ZNF469: variants seen among roughly 807,000 people sequenced by gnomAD.
ZNF469 encodes the protein zinc finger protein 469.
ZNF469 carries 1 observed loss-of-function variant against 1.0 expected under a neutral mutation model. The observed-to-expected ratio is 1.00, with a 90% CI of 0.35 to 4.73. The LOEUF (loss-of-function observed/expected upper bound fraction) is 4.73, where lower values mean the gene tolerates loss of function less well. Ranked by LOEUF, ZNF469 falls within the 30% of genes most tolerant of loss-of-function variation. ZNF469 has a pLI of 0.16. For missense variants in ZNF469, 6,100 were observed against 5,356.3 expected, an observed-to-expected ratio of 1.14 and a Z score of -4.33; for synonymous variants, 2,703 against 2,363.4, an observed-to-expected ratio of 1.14 and a Z score of -4.17.
upstream of ZNF469, among the ~76,000 whole-genome samples, chr16:88,380,542 AAC>A (rs540697952): frequency 8.3e-4 from 88 of 105,912 alleles, no homozygotes; most frequent in Admixed American, 3.9e-3. Context: ...CACACGCACT[AAC>A]ACAGACATGC....
intron 1 of ZNF469, among the ~76,000 whole-genome samples, chr16:88,408,451 C>T (rs1218598557): frequency 6.6e-6 from 1 of 152,228 alleles, no homozygotes; most frequent in East Asian, 1.9e-4. Flanking sequence ...CGTGCCCAGC[C>T]CACTTAGTAC....
At chr16:88,272,046 T>G in the ZNF469 span, among the ~76,000 whole-genome samples, 1 of 151,700 alleles carries the variant, frequency 6.6e-6, no homozygotes, top group African/African-American at 2.4e-5. Context: ...ATGAATGAAC[T>G]GGGGATAAAT....
chr16:88,140,730 G>A, the ZNF469 span, among the ~76,000 whole-genome samples: 16 of 152,154 alleles, frequency 1.1e-4, no homozygotes, highest in African/African-American at 3.9e-4. Flanking sequence ...TCAGGAGTTC[G>A]AGACCAGCCT....
chr16:88,259,368 G>A, the ZNF469 span, among the ~76,000 whole-genome samples: 3 of 152,136 alleles, frequency 2.0e-5, no homozygotes, highest in East Asian at 3.9e-4. The surrounding 1 kb of genome is among the most constrained non-coding windows in gnomAD (Gnocchi z 4.1). Flanking sequence ...CAGATTCTGC[G>A]GAGTCTGCGA....
chr16:88,140,652 C>G, the ZNF469 span, among the ~76,000 whole-genome samples: 2 of 152,178 alleles, frequency 1.3e-5, no homozygotes, highest in Non-Finnish European at 2.9e-5. Context: ...TAAATTGAGG[C>G]CAGGCGCAGT....
intron 1 of ZNF469, among the ~76,000 whole-genome samples, chr16:88,422,227 G>A (rs1191188166): frequency 1.3e-5 from 2 of 149,710 alleles, no homozygotes; most frequent in East Asian, 4.0e-4. Context: ...TGGGTGGATA[G>A]ATGGGTGGAT....
intron 1 of ZNF469, among the ~76,000 whole-genome samples, chr16:88,388,749 G>T (rs898727921): frequency 6.6e-6 from 1 of 152,164 alleles, no homozygotes; most frequent in Non-Finnish European, 1.5e-5. Context: ...TGCCCCATCT[G>T]TAGAAGCCGG....
In ZNF469 at chr16:88,428,304, G is replaced by A. The variant is rs544693811; in HGVS notation, c.834G>A (p.Pro278=). ...GAGTTTCCTTCCAGTTCCCCTTCCC[G>A]GCACTGCATGGGGCCAGCACAAAAC... ...PRGVSFQFPF[P]ALHGASTKPF... is the part of the protein sequence containing the mutation. Residue 278 remains proline (P), a synonymous_variant, in exon 3 of 3, where the codon CCG becomes CCA. Transcript: ENST00000565624. 5.2e-6 allele frequency: 8 copies of A among 1,550,156 alleles called. No homozygotes were observed. Among genetic ancestry groups the A allele is most frequent in the Non-Finnish European group, 6.1e-6 (7 of 1,146,944 alleles).
the ZNF469 span, among the ~76,000 whole-genome samples, chr16:88,297,380 C>T: frequency 2.0e-5 from 3 of 152,214 alleles, no homozygotes; most frequent in South Asian, 2.1e-4. Context: ...CCTCCACGTC[C>T]GCTTTCCTTG....
chr16:88,436,448 T>C lies in ZNF469; in HGVS notation c.8978T>C (p.Val2993Ala). 6.5e-7 allele frequency: 1 copy of C among 1,548,050 alleles called. No individual in the cohort carries two copies. The highest frequency in any genetic ancestry group is 1.2e-5 in the South Asian group (1 of 84,050). Residue 2993 changes from valine to alanine, a missense_variant, in exon 3 of 3, where the codon GTC (valine) becomes GCC (alanine). Transcript: ENST00000565624. ...RPEAIPELHM[V>A]PAAWRGLEMP... The stretch of plus-strand genomic sequence containing the variant: ...GAGGCCATTCCTGAGCTGCACATGG[T>C]CCCAGCGGCTTGGCGAGGCCTGGAG...
the ZNF469 span, among the ~76,000 whole-genome samples, chr16:88,301,915 C>A: frequency 6.6e-6 from 1 of 152,182 alleles, no homozygotes; most frequent in Non-Finnish European, 1.5e-5. Flanking sequence ...TTACCCAATT[C>A]CTAGTTCACC....
the ZNF469 span, among the ~76,000 whole-genome samples, chr16:88,132,148 T>C: frequency 1.3e-5 from 2 of 152,206 alleles, no homozygotes; most frequent in African/African-American, 4.8e-5. Flanking sequence ...ACCGATGGCT[T>C]CAGGTGCCTC....
the ZNF469 span, among the ~76,000 whole-genome samples, chr16:88,341,814 C>G: frequency 2.6e-5 from 4 of 151,898 alleles, no homozygotes; most frequent in African/African-American, 7.3e-5. Flanking sequence ...GGGGGCTGGG[C>G]GGGTGACTGG....
At chr16:88,202,065 C>T in the ZNF469 span, among the ~76,000 whole-genome samples, 1 of 152,170 alleles carries the variant, frequency 6.6e-6, no homozygotes, top group Non-Finnish European at 1.5e-5. Flanking sequence ...CAGGAGTAGC[C>T]ATGTTTCCAC....
the ZNF469 span, among the ~76,000 whole-genome samples, chr16:88,248,875 C>T: frequency 6.6e-6 from 1 of 152,112 alleles, no homozygotes; most frequent in African/African-American, 2.4e-5. Flanking sequence ...TTTCCTTTGT[C>T]TGGCAGGGAT....
At chr16:88,123,406 C>T in the ZNF469 span, among the ~76,000 whole-genome samples, 3 of 152,014 alleles carry the variant, frequency 2.0e-5, no homozygotes, top group South Asian at 2.1e-4. Flanking sequence ...GTGCACCTGT[C>T]GATGAAGATT....
Position 88,436,400 on chromosome 16 carries a change from A to G in ZNF469, c.8930A>G (p.His2977Arg). 1 of 1,549,792 alleles carries G rather than the reference A, an allele frequency of 6.5e-7. No individual in the cohort carries two copies. The highest frequency in any genetic ancestry group is 1.4e-5 in the African/African-American group (1 of 73,162). ...GCTGGTGCAGAGAAGCTGCCCTCCC[A>G]CTGCCCCGAGGACGATCGGCCGGAG... ...REAGAEKLPS[H>R]CPEDDRPEAI... is the part of the protein sequence containing the mutation. Residue 2977 changes from histidine to arginine, a missense_variant, in exon 3 of 3, where the codon CAC becomes CGC. By Grantham distance (29) the His-to-Arg change is conservative. Coordinates refer to ENST00000565624, the MANE Select transcript of ZNF469 (RefSeq NM_001367624.2).
the ZNF469 span, among the ~76,000 whole-genome samples, chr16:88,180,128 A>G: frequency 1.3e-5 from 2 of 152,230 alleles, no homozygotes; most frequent in Admixed American, 1.3e-4. Flanking sequence ...TTCACTTTAA[A>G]AAAAAGTACT....
At chr16:88,309,047 A>T in the ZNF469 span, among the ~76,000 whole-genome samples, 1 of 152,146 alleles carries the variant, frequency 6.6e-6, no homozygotes, top group Non-Finnish European at 1.5e-5. Flanking sequence ...CCCAGGGCCC[A>T]GACCCACGTC....
Sources: allele counts gnomAD v4.1 joint callset (sites outside exome capture counted in the v4.1 genomes callset), GRCh38; gene constraint gnomAD v4.1.1; non-coding constraint Gnocchi (gnomAD v3.1); transcripts MANE v1.5; gene names NCBI Gene and HGNC (gene_info 2026-07-23, HGNC 2026-07-21).